Variants in NDUFV2 observed in about 807,000 individuals in gnomAD.
The protein encoded by NDUFV2 is NADH dehydrogenase [ubiquinone] flavoprotein 2, mitochondrial.
Under a neutral mutation model 31.6 loss-of-function variants are expected in NDUFV2, and 18 were observed. The ratio of observed to expected loss-of-function variants is 0.57; its 90% CI spans 0.39 to 0.84. NDUFV2 has a LOEUF of 0.84. Ranked by LOEUF, NDUFV2 falls within the 40% of genes least tolerant of loss-of-function variation. The pLI, the probability that NDUFV2 is intolerant of heterozygous loss-of-function variation, is 0.00. For synonymous variants in NDUFV2, 83 were observed against 99.8 expected, an observed-to-expected ratio of 0.83 and a Z score of 1.01; for missense variants, 314 against 303.6, an observed-to-expected ratio of 1.03 and a Z score of -0.26.
chr18:9,102,889 T>C (rs1291730671), intron 1 of NDUFV2, 92 bp downstream of exon 1: 1 of 1,359,120 alleles, frequency 7.4e-7, no homozygotes. Flanking sequence ...AGCCCTGGGC[T>C]CTGCACGGGC....
At chr18:9,129,364 C>A (rs2078020796) in intron 7 of NDUFV2, among the ~76,000 whole-genome samples, 2 of 152,174 alleles carry the variant, frequency 1.3e-5, no homozygotes, top group African/African-American at 4.8e-5. Context: ...TGTTATGTCA[C>A]ATTACATTAA....
At chr18:9,133,182 C>T (rs375795734) in intron 7 of NDUFV2, among the ~76,000 whole-genome samples, 25 of 152,274 alleles carry the variant, frequency 1.6e-4, no homozygotes, top group African/African-American at 5.8e-4. Context: ...CTCTAAAGAA[C>T]AGACTTAAAG....
At chr18:9,132,749 C>T (rs1326300745) in intron 7 of NDUFV2, among the ~76,000 whole-genome samples, 2 of 152,128 alleles carry the variant, frequency 1.3e-5, no homozygotes. Context: ...GTGACGCACA[C>T]CTGTAGTCCC....
At chr18:9,131,049 G>A (rs2078036055) in intron 7 of NDUFV2, among the ~76,000 whole-genome samples, 1 of 152,190 alleles carries the variant, frequency 6.6e-6, no homozygotes, top group Non-Finnish European at 1.5e-5. Flanking sequence ...GCAGTTGTCT[G>A]AAGGCCTTAA....
In NDUFV2 at chr18:9,115,859, C is replaced by CA. The variant is rs759253640; in HGVS notation, c.55-1966dup. 9.6e-3 allele frequency: 1,239 copies of CA among 129,646 alleles called. 14 individuals carry two copies. Among genetic ancestry groups the CA allele is most frequent in the East Asian group, 0.067 (310 of 4,636 alleles). 8.0% of individuals were successfully genotyped at this position (129,646 alleles called of 1,614,324 possible). Reference sequence around the variant, plus strand: ...GGCAACAAGAGCGAAACTCCGTCTCCAAAAAAAAAAAAAGACACTTATTTA... The same window carrying CA: ...GGCAACAAGAGCGAAACTCCGTCTCCAAAAAAAAAAAAAAGACACTTATTTA... On this transcript the variant is annotated intron_variant, in intron 1 of 7. Transcript: ENST00000318388.
At chr18:9,114,288 T>C (rs1254602670) in intron 1 of NDUFV2, among the ~76,000 whole-genome samples, 3 of 152,154 alleles carry the variant, frequency 2.0e-5, no homozygotes, top group African/African-American at 7.2e-5. Context: ...CTAGAAAAAG[T>C]ATAAGCATTA....
rs200691654 is a variant in NDUFV2, at chr18:9,124,976, A to G, written c.572A>G (p.Asn191Ser). 1.5e-5 allele frequency: 25 copies of G among 1,613,412 alleles called. No individual in the cohort carries two copies. Among genetic ancestry groups the G allele is most frequent in the East Asian group, 4.5e-5 (2 of 44,798 alleles). The stretch of plus-strand genomic sequence containing the variant: ...GCACCAATGGTTCAAATAAATGACA[A>G]TTACTATGTGAGTATTTCAGGTAAT... ...VNAPMVQIND[N>S]YYEDLTAKDI... The change falls in exon 6 of 8, where the codon AAT becomes AGT. Residue 191 changes from asparagine to serine, a missense_variant. Transcript: ENST00000318388.
At position 9,122,531 on chromosome 18, in the gene NDUFV2, G is replaced by T; in HGVS notation, c.319G>T (p.Val107Leu). ...ATTTTAGGTTGCAGAAGTTTTACAA[G>T]TACCTCCAATGAGAGTATATGAAGT... ...AMNKVAEVLQ[V>L]PPMRVYEVAT... The change falls in exon 5 of 8, where the codon GTA becomes TTA. Residue 107 changes from valine to leucine, a missense_variant. Coordinates refer to ENST00000318388, the MANE Select transcript of NDUFV2 (RefSeq NM_021074.5). 1.9e-6 allele frequency: 3 copies of T among 1,613,572 alleles called. No individual in the cohort carries two copies. The highest frequency in any genetic ancestry group is 2.5e-6 in the Non-Finnish European group (3 of 1,179,606).
intron 7 of NDUFV2, among the ~76,000 whole-genome samples, chr18:9,128,516 T>G (rs1443742660): frequency 6.6e-6 from 1 of 152,232 alleles, no homozygotes; most frequent in Non-Finnish European, 1.5e-5. Context: ...CTCACTTTCT[T>G]GGGTATACCC....
At chr18:9,131,228 C>T (rs1471761734) in intron 7 of NDUFV2, among the ~76,000 whole-genome samples, 3 of 152,024 alleles carry the variant, frequency 2.0e-5, no homozygotes, top group Non-Finnish European at 4.4e-5. Flanking sequence ...GTTGTATAGG[C>T]TGAGGAAGAG....
chr18:9,117,009 A>G (rs1432399660), intron 1 of NDUFV2, among the ~76,000 whole-genome samples: 2 of 151,984 alleles, frequency 1.3e-5, no homozygotes, highest in Non-Finnish European at 2.9e-5. Context: ...GTCAGTCCGC[A>G]TAGCATCATA....
At chr18:9,129,533 C>G (rs532750933) in intron 7 of NDUFV2, among the ~76,000 whole-genome samples, 1 of 152,166 alleles carries the variant, frequency 6.6e-6, no homozygotes, top group Admixed American at 6.5e-5. Flanking sequence ...GATAAAAAGG[C>G]TACACAATAA....
intron 4 of NDUFV2, among the ~76,000 whole-genome samples, chr18:9,121,613 C>T (rs2077936366): frequency 6.6e-6 from 1 of 152,122 alleles, no homozygotes. Context: ...ATGGATATAT[C>T]TATAATTTTT....
chr18:9,115,718 C>T lies in NDUFV2; in HGVS notation c.55-2120C>T, dbSNP rs376052718. On this transcript the variant is annotated intron_variant, in intron 1 of 7. Transcript: ENST00000318388. ...CTAAAAATACAAAAAATTATCCAGACGTAGTGGCACATGCCTGTAATCTCA... is the reference window on the plus strand; with the variant it reads ...CTAAAAATACAAAAAATTATCCAGATGTAGTGGCACATGCCTGTAATCTCA... 2.6e-5 allele frequency: 4 copies of T among 152,242 alleles called. 1 individual carries two copies. Among genetic ancestry groups the T allele is most frequent in the South Asian group, 4.1e-4 (2 of 4,832 alleles). 9.4% of individuals were successfully genotyped at this position (152,242 alleles called of 1,614,324 possible). A position where few individuals can be genotyped will look rare whatever the true frequency, so the allele number is the denominator to read the frequency against.
intron 7 of NDUFV2, among the ~76,000 whole-genome samples, chr18:9,130,943 A>G (rs145163901): frequency 2.0e-5 from 3 of 152,244 alleles, no homozygotes; most frequent in Non-Finnish European, 4.4e-5. Context: ...AATACAGTTG[A>G]CTCTTGAACA....
At chr18:9,106,770 G>A (rs1407598912) in intron 1 of NDUFV2, among the ~76,000 whole-genome samples, 1 of 152,102 alleles carries the variant, frequency 6.6e-6, no homozygotes, top group Non-Finnish European at 1.5e-5. Flanking sequence ...AGTGTAGCCC[G>A]AGCTTCATTC....
At chr18:9,111,018 G>GA (rs2077867327) in intron 1 of NDUFV2, among the ~76,000 whole-genome samples, 1 of 152,164 alleles carries the variant, frequency 6.6e-6, no homozygotes, top group South Asian at 2.1e-4. Flanking sequence ...GTAAGCCAAG[G>GA]AGGCAGGGCT....
chr18:9,122,432 A>C, intron 4 of NDUFV2, 81 bp from the exon 5 acceptor site: 2 of 1,280,478 alleles, frequency 1.6e-6, no homozygotes, highest in South Asian at 2.5e-5. Context: ...GACAATATTG[A>C]AATTATACTT....
At chr18:9,132,135 CTT>C (rs1367755497) in intron 7 of NDUFV2, 1 of 152,112 alleles carries the variant, frequency 6.6e-6, no homozygotes, top group Non-Finnish European at 1.5e-5. Flanking sequence ...ATGGAACAAA[CTT>C]TAGGAAACTC....
Sources: allele counts gnomAD v4.1 joint callset (sites outside exome capture counted in the v4.1 genomes callset), GRCh38; gene constraint gnomAD v4.1.1; transcripts MANE v1.5; gene names NCBI Gene and HGNC (gene_info 2026-07-23, HGNC 2026-07-21).